ADAMTSL1: variants seen among roughly 807,000 people sequenced by gnomAD.
ADAMTSL1 encodes the protein ADAMTS like 1.
A neutral mutation model predicts 201.8 loss-of-function variants in ADAMTSL1; 126 were observed. The observed-to-expected ratio is 0.62, with a 90% CI of 0.54 to 0.72. The LOEUF (loss-of-function observed/expected upper bound fraction) is 0.72. Among genes scored for constraint, ADAMTSL1 ranks in the 30% least tolerant of loss-of-function variants. The pLI is 0.00. For synonymous variants in ADAMTSL1, 1,121 were observed against 903.4 expected, an observed-to-expected ratio of 1.24 and a Z score of -4.32; for missense variants, 2,679 against 2,277.8, an observed-to-expected ratio of 1.18 and a Z score of -3.59.
At chr9:18,485,862 A>G (rs1257669370) in intron 1 of ADAMTSL1, among the ~76,000 whole-genome samples, 1 of 152,234 alleles carries the variant, frequency 6.6e-6, no homozygotes, top group East Asian at 1.9e-4. Flanking sequence ...GGCCTGGAGA[A>G]GGGAGGCCAA....
At chr9:18,174,203 G>A (rs547062273) in intron 2 of ADAMTSL1, among the ~76,000 whole-genome samples, 50 of 152,216 alleles carry the variant, frequency 3.3e-4, no homozygotes, top group African/African-American at 1.1e-3. Context: ...TTATGGAAAG[G>A]CAACTATCTT....
intron 4 of ADAMTSL1, among the ~76,000 whole-genome samples, chr9:18,605,033 A>G (rs1268812899): frequency 6.6e-6 from 1 of 152,174 alleles, no homozygotes; most frequent in Non-Finnish European, 1.5e-5. Flanking sequence ...AGATCATGAT[A>G]CTAAAATTAC....
At chr9:18,230,761 A>T in intron 2 of ADAMTSL1, among the ~76,000 whole-genome samples, 1 of 152,182 alleles carries the variant, frequency 6.6e-6, no homozygotes, top group East Asian at 1.9e-4. Flanking sequence ...ATTAATTACA[A>T]ATTCAAATAA....
intron 2 of ADAMTSL1, among the ~76,000 whole-genome samples, chr9:18,338,895 G>A (rs1835355369): frequency 6.6e-6 from 1 of 152,076 alleles, no homozygotes; most frequent in African/African-American, 2.4e-5. Flanking sequence ...CTGTTCCTGT[G>A]TTAGTTTGCT....
intron 15 of ADAMTSL1, among the ~76,000 whole-genome samples, chr9:18,749,037 T>A (rs1819306694): frequency 6.6e-6 from 1 of 152,208 alleles, no homozygotes; most frequent in South Asian, 2.1e-4. Context: ...ATTTTGCCTG[T>A]GTGTCTCCCT....
chr9:18,201,543 T>C (rs949196414), intron 2 of ADAMTSL1, among the ~76,000 whole-genome samples: 3 of 152,122 alleles, frequency 2.0e-5, no homozygotes, highest in Non-Finnish European at 2.9e-5. Context: ...TTCCCTACTA[T>C]ACAATATTAC....
At chr9:18,167,811 C>T (rs1587207320) in intron 2 of ADAMTSL1, among the ~76,000 whole-genome samples, 1 of 151,920 alleles carries the variant, frequency 6.6e-6, no homozygotes, top group East Asian at 1.9e-4. Flanking sequence ...AATTATATTT[C>T]TAAACTGGCT....
chr9:18,808,450 G>C (rs1368536088), intron 20 of ADAMTSL1, among the ~76,000 whole-genome samples: 1 of 152,124 alleles, frequency 6.6e-6, no homozygotes, highest in East Asian at 1.9e-4. Flanking sequence ...GCTAACAACA[G>C]TGATCCTCCT....
At chr9:18,018,844 G>C (rs1820365697) in intron 1 of ADAMTSL1, among the ~76,000 whole-genome samples, 1 of 152,062 alleles carries the variant, frequency 6.6e-6, no homozygotes, top group Non-Finnish European at 1.5e-5. Flanking sequence ...AAATTGCGAG[G>C]TATCAATAGA....
chr9:18,202,082 A>G (rs966588058), intron 2 of ADAMTSL1, among the ~76,000 whole-genome samples: 11 of 152,154 alleles, frequency 7.2e-5, no homozygotes, highest in African/African-American at 2.7e-4. Flanking sequence ...TGCAGTGATA[A>G]TGTACTTATT....
At chr9:18,811,321 C>T (rs1255981369) in intron 20 of ADAMTSL1, among the ~76,000 whole-genome samples, 1 of 152,292 alleles carries the variant, frequency 6.6e-6, no homozygotes, top group South Asian at 2.1e-4. Context: ...ACATGGGGAG[C>T]CTGGAGTTCC....
intron 14 of ADAMTSL1, among the ~76,000 whole-genome samples, chr9:18,714,529 T>C (rs1832799069): frequency 9.4e-6 from 1 of 106,098 alleles, no homozygotes; most frequent in African/African-American, 3.2e-5. Context: ...ACATACACTC[T>C]CCCAAGACTA....
At chr9:17,913,500 T>G (rs1246942721) in intron 1 of ADAMTSL1, among the ~76,000 whole-genome samples, 1 of 152,172 alleles carries the variant, frequency 6.6e-6, no homozygotes, top group African/African-American at 2.4e-5. Flanking sequence ...CATACCAGAA[T>G]CTCTGGGACA....
chr9:17,914,351 G>A (rs1424804422), intron 1 of ADAMTSL1, among the ~76,000 whole-genome samples: 1 of 152,208 alleles, frequency 6.6e-6, no homozygotes, highest in African/African-American at 2.4e-5. Flanking sequence ...TCCCTGGGAT[G>A]CAAGGCTGGT....
At chr9:18,103,292 A>G (rs1257954125) in intron 1 of ADAMTSL1, among the ~76,000 whole-genome samples, 1 of 152,118 alleles carries the variant, frequency 6.6e-6, no homozygotes, top group Non-Finnish European at 1.5e-5. Context: ...GAGTTTAGGG[A>G]CAATTTGTAG....
intron 1 of ADAMTSL1, among the ~76,000 whole-genome samples, chr9:17,972,432 C>G (rs372946564): frequency 1.3e-5 from 2 of 150,654 alleles, no homozygotes; most frequent in Non-Finnish European, 3.0e-5. Flanking sequence ...TTTGTCCTTG[C>G]GATAGTTTGC....
chr9:18,013,907 G>T (rs888279818), intron 1 of ADAMTSL1, among the ~76,000 whole-genome samples: 1 of 151,896 alleles, frequency 6.6e-6, no homozygotes, highest in Non-Finnish European at 1.5e-5. Flanking sequence ...AAAAGCCAAG[G>T]TTTGAAAGGT....
chr9:18,094,967 C>T (rs1241570457), intron 1 of ADAMTSL1, among the ~76,000 whole-genome samples: 1 of 152,144 alleles, frequency 6.6e-6, no homozygotes, highest in African/African-American at 2.4e-5. Flanking sequence ...AATATAAAGA[C>T]TAGAATTAGA....
At chr9:18,647,645 C>T (rs1827906340) in intron 7 of ADAMTSL1, among the ~76,000 whole-genome samples, 1 of 151,198 alleles carries the variant, frequency 6.6e-6, no homozygotes, top group Non-Finnish European at 1.5e-5. Flanking sequence ...TCGTTATGTA[C>T]CCAGTAGTCA....
Sources: allele counts gnomAD v4.1 joint callset (sites outside exome capture counted in the v4.1 genomes callset), GRCh38; gene constraint gnomAD v4.1.1; transcripts MANE v1.5; gene names NCBI Gene and HGNC (gene_info 2026-07-23, HGNC 2026-07-21).